The following DCC variants were observed in gnomAD, a reference collection of about 807,000 sequenced individuals.
DCC encodes netrin receptor DCC.
Under a neutral mutation model 172.5 loss-of-function variants are expected in DCC, and 58 were observed. The ratio of observed to expected loss-of-function variants is 0.34; its 90% confidence interval spans 0.27 to 0.42. The LOEUF (loss-of-function observed/expected upper bound fraction) is 0.42, where lower values mean the gene tolerates loss of function less well. DCC is among the 10% of genes least tolerant of loss of function. The pLI, the probability that DCC is intolerant of heterozygous loss-of-function variation, is 1.00. For missense variants in DCC, 1,740 were observed against 1,791.0 expected, an observed-to-expected ratio of 0.97 and a Z score of 0.51; for synonymous variants, 709 against 644.5, an observed-to-expected ratio of 1.10 and a Z score of -1.52.
chr18:52,954,560 G>A (rs1214460822), intron 5 of DCC, among the ~76,000 whole-genome samples: 4 of 152,070 alleles, frequency 2.6e-5, no homozygotes, highest in African/African-American at 4.8e-5. Context: ...TCAGAGAAGC[G>A]TAGGGAAATA....
intron 1 of DCC, among the ~76,000 whole-genome samples, chr18:52,383,195 A>G (rs1170537598): frequency 2.0e-5 from 3 of 152,092 alleles, no homozygotes; most frequent in Non-Finnish European, 4.4e-5. Context: ...CTCAAGATAG[A>G]TATCAGCAAT....
intron 1 of DCC, among the ~76,000 whole-genome samples, chr18:52,547,209 G>T (rs1039367264): frequency 4.6e-5 from 7 of 152,118 alleles, no homozygotes; most frequent in Non-Finnish European, 8.8e-5. Flanking sequence ...TGATATTCTT[G>T]CCAAATTGGC....
intron 1 of DCC, among the ~76,000 whole-genome samples, chr18:52,610,400 A>G (rs1284588808): frequency 3.1e-5 from 4 of 128,964 alleles, no homozygotes; most frequent in East Asian, 2.0e-4. Context: ...AAAAAAAAAA[A>G]AAAAAAAGAA....
At chr18:52,946,480 T>C (rs1357160323) in intron 5 of DCC, among the ~76,000 whole-genome samples, 3 of 151,816 alleles carry the variant, frequency 2.0e-5, no homozygotes, top group Non-Finnish European at 1.5e-5. Flanking sequence ...TTTTTTTTTC[T>C]CAAGATGATG....
intron 2 of DCC, among the ~76,000 whole-genome samples, chr18:52,852,462 A>C (rs1431958236): frequency 1.3e-5 from 2 of 152,156 alleles, no homozygotes; most frequent in Admixed American, 1.3e-4. Context: ...AAAACAAAAA[A>C]CAAAATATCT....
intron 1 of DCC, among the ~76,000 whole-genome samples, chr18:52,593,136 A>AT (rs1244998162): frequency 6.6e-5 from 10 of 151,978 alleles, no homozygotes; most frequent in South Asian, 2.1e-4. Flanking sequence ...ATCTTCTGGG[A>AT]TTTTTTTTCT....
intron 12 of DCC, among the ~76,000 whole-genome samples, chr18:53,241,450 T>C (rs73957117): frequency 0.042 from 6,432 of 152,022 alleles, 421 homozygotes; most frequent in African/African-American, 0.14. Flanking sequence ...AGACAAGGGG[T>C]TGTCTCCCTG....
At chr18:52,947,546 A>G (rs952323474) in intron 5 of DCC, among the ~76,000 whole-genome samples, 4 of 152,118 alleles carry the variant, frequency 2.6e-5, no homozygotes, top group African/African-American at 9.7e-5. Flanking sequence ...ACCTCATTAC[A>G]CTCTGCGAAG....
chr18:52,785,071 C>T (rs752098934), intron 2 of DCC, among the ~76,000 whole-genome samples: 8 of 151,840 alleles, frequency 5.3e-5, no homozygotes, highest in South Asian at 2.1e-4. Context: ...TGATCAGGCA[C>T]GAGGTTTACA....
intron 2 of DCC, among the ~76,000 whole-genome samples, chr18:52,869,218 C>G (rs1387077586): frequency 6.6e-6 from 1 of 152,232 alleles, no homozygotes; most frequent in Non-Finnish European, 1.5e-5. Context: ...GTTGCGCAGA[C>G]AAGTGGAGGG....
chr18:53,051,851 C>T (rs921050436), intron 5 of DCC, among the ~76,000 whole-genome samples: 4 of 151,956 alleles, frequency 2.6e-5, no homozygotes, highest in South Asian at 2.1e-4. Context: ...CTCAGTTTCC[C>T]GGAAACACAG....
chr18:53,277,350 GTC>G (rs1268472827), intron 12 of DCC, among the ~76,000 whole-genome samples: 2 of 152,046 alleles, frequency 1.3e-5, no homozygotes, highest in Non-Finnish European at 2.9e-5. Context: ...CACGCCTGTG[GTC>G]CCAGCTGGAG....
chr18:52,656,928 C>A (rs1342168956), intron 1 of DCC, among the ~76,000 whole-genome samples: 1 of 152,080 alleles, frequency 6.6e-6, no homozygotes, highest in Non-Finnish European at 1.5e-5. Context: ...GCCTTCAGAT[C>A]TCTTGGACAG....
chr18:53,104,384 G>A (rs1366615045), intron 7 of DCC, among the ~76,000 whole-genome samples: 1 of 151,932 alleles, frequency 6.6e-6, no homozygotes, highest in East Asian at 1.9e-4. Context: ...AAGATCTGAT[G>A]GTTTTAAAAA....
chr18:52,660,989 G>T (rs760957173), intron 1 of DCC, among the ~76,000 whole-genome samples: 1 of 152,044 alleles, frequency 6.6e-6, no homozygotes, highest in Non-Finnish European at 1.5e-5. Context: ...CTATACCCTC[G>T]ATGCCAACAA....
chr18:53,023,681 G>A (rs970885617), intron 5 of DCC, among the ~76,000 whole-genome samples: 1 of 152,120 alleles, frequency 6.6e-6, no homozygotes, highest in Admixed American at 6.6e-5. Context: ...CAACTTGTTT[G>A]TCCTTTATGA....
intron 22 of DCC, among the ~76,000 whole-genome samples, chr18:53,444,622 C>T (rs1351646332): frequency 2.6e-5 from 4 of 152,152 alleles, no homozygotes; most frequent in African/African-American, 9.7e-5. Context: ...GTCTGTGACT[C>T]GCTGAAGGTT....
chr18:52,775,854 T>G (rs960203350), intron 2 of DCC, among the ~76,000 whole-genome samples: 2 of 152,262 alleles, frequency 1.3e-5, no homozygotes, highest in African/African-American at 2.4e-5. Context: ...GGAGTGCTCA[T>G]GCTCACCTAG....
At chr18:53,453,880 T>C (rs2045449045) in intron 23 of DCC, among the ~76,000 whole-genome samples, 1 of 152,200 alleles carries the variant, frequency 6.6e-6, no homozygotes, top group African/African-American at 2.4e-5. Flanking sequence ...TTTTAAAACA[T>C]AAAAATTCCC....
Sources: gnomAD v4.1 joint callset for allele counts (sites outside exome capture counted in the v4.1 genomes callset) on GRCh38, gnomAD v4.1.1 for gene constraint, MANE v1.5 for transcripts, NCBI Gene and HGNC (gene_info 2026-07-23, HGNC 2026-07-21) for gene names.